FOXO1: variants seen among roughly 807,000 people sequenced by gnomAD.
FOXO1 encodes the protein forkhead box protein O1.
Under a neutral mutation model 44.1 loss-of-function variants are expected in FOXO1, and 6 were observed. The ratio of observed to expected loss-of-function variants is 0.14; its 90% CI spans 0.07 to 0.27. FOXO1 has a LOEUF of 0.27. FOXO1 is among the 10% of genes least tolerant of loss of function. The pLI, the probability that FOXO1 is intolerant of heterozygous loss-of-function variation, is 1.00. For missense variants in FOXO1, 737 were observed against 888.8 expected, an observed-to-expected ratio of 0.83 and a Z score of 2.17; for synonymous variants, 380 against 362.7, an observed-to-expected ratio of 1.05 and a Z score of -0.54.
rs34778628 is a variant in FOXO1 at position 40,648,391 on chromosome 13, A to G, written c.630+17192T>C. Among the ~76,000 whole-genome samples, 1,244 of 152,328 alleles carry G rather than the reference A, an allele frequency of 8.2e-3. 11 individuals carry two copies. Among genetic ancestry groups the G allele is most frequent in the Non-Finnish European group, 0.013 (879 of 68,026 alleles). On this transcript the variant is annotated intron_variant, in intron 1 of 2. Coordinates refer to ENST00000379561, the MANE Select transcript of FOXO1 (RefSeq NM_002015.4). The stretch of plus-strand genomic sequence containing the variant: ...TTTCCACCATGTATACTTAGATGCA[A>G]AACAGTTCAAAAACCCAAAAATGTC...
At chr13:40,631,175 G>A (rs1049311648) in intron 1 of FOXO1, among the ~76,000 whole-genome samples, 1 of 152,160 alleles carries the variant, frequency 6.6e-6, no homozygotes, top group African/African-American at 2.4e-5. Flanking sequence ...CATTGTGGAG[G>A]AGGGATCCCT....
chr13:40,612,926 C>T (rs1217693427), intron 1 of FOXO1, among the ~76,000 whole-genome samples: 3 of 152,170 alleles, frequency 2.0e-5, no homozygotes, highest in Non-Finnish European at 4.4e-5. Flanking sequence ...AGGAGGACTA[C>T]TGTGTATCGG....
In FOXO1 at chr13:40,560,009, C is replaced by A. The variant is rs1873923682; in HGVS notation, c.1482G>T (p.Gln494His). 1 of 1,614,168 alleles carries A rather than the reference C, an allele frequency of 6.2e-7. No individual in the cohort carries two copies. Among genetic ancestry groups the A allele is most frequent in the African/African-American group, 1.3e-5 (1 of 75,056 alleles). ...VAQPNSRVLG[Q>H]NVMMGPNSVM... ...CCGAATTAGGGCCCATCATGACGTTCTGGCCCAGAACCCGGCTGTTGGGCT... is the reference window on the plus strand; with the variant it reads ...CCGAATTAGGGCCCATCATGACGTTATGGCCCAGAACCCGGCTGTTGGGCT... Residue 494 changes from glutamine to histidine, a missense_variant, in exon 2 of 3, where the codon CAG (glutamine) becomes CAT (histidine). Physicochemically the swap from Gln to His is conservative, Grantham distance 24. Transcript: ENST00000379561. The surrounding 1 kb of genome is among the most constrained non-coding windows in gnomAD (Gnocchi z 5.1).
intron 1 of FOXO1, among the ~76,000 whole-genome samples, chr13:40,611,471 A>C (rs1196382615): frequency 6.6e-6 from 1 of 152,246 alleles, no homozygotes; most frequent in Non-Finnish European, 1.5e-5. Flanking sequence ...GAAGATAAAA[A>C]TATTCATCGC....
At position 40,665,923 on chromosome 13, in the gene FOXO1, G is replaced by GCCGCCGCCA; in HGVS notation, c.281_289dup (p.Val94_Ala96dup). ...CCCCCCGGTGGCGGCCGCGGCGGCCGCCGCCGCCACCGCCGCCGCCACGGA... is the reference window on the plus strand; with the variant it reads ...CCCCCCGGTGGCGGCCGCGGCGGCCGCCGCCGCCACCGCCGCCACCGCCGCCGCCACGGA... On this transcript the variant is annotated inframe_insertion, in exon 1 of 3. Transcript: ENST00000379561. The GCCGCCGCCA allele has an allele frequency of 8.3e-7, 1 of 1,203,020 alleles. No homozygotes were observed. The highest frequency in any genetic ancestry group is 1.0e-6 in the Non-Finnish European group (1 of 972,448). The allele number at this position is 1,203,020 out of a possible 1,614,324, so 74.5% of individuals were successfully genotyped here. A position where few individuals can be genotyped will look rare whatever the true frequency, so the allele number is the denominator to read the frequency against.
intron 1 of FOXO1, among the ~76,000 whole-genome samples, chr13:40,608,904 C>T (rs1876120906): frequency 6.6e-6 from 1 of 152,130 alleles, no homozygotes; most frequent in Non-Finnish European, 1.5e-5. Context: ...TATGATGGAT[C>T]CTAGAGATAG....
At chr13:40,661,276 T>C (rs1878027787) in intron 1 of FOXO1, among the ~76,000 whole-genome samples, 1 of 151,574 alleles carries the variant, frequency 6.6e-6, no homozygotes, top group African/African-American at 2.4e-5. Flanking sequence ...TATCAAGGCT[T>C]TCTTCTTTTT....
chr13:40,588,807 A>C (rs1875266526), intron 1 of FOXO1, among the ~76,000 whole-genome samples: 1 of 105,766 alleles, frequency 9.5e-6, no homozygotes. Context: ...CAAGTGATTT[A>C]AAAGTGTCAC....
chr13:40,637,953 A>C (rs1471034665), intron 1 of FOXO1, among the ~76,000 whole-genome samples: 1 of 152,244 alleles, frequency 6.6e-6, no homozygotes, highest in East Asian at 1.9e-4. Context: ...AGATGAGACT[A>C]AGATACTGGA....
At chr13:40,592,558 C>G (rs540162053) in intron 1 of FOXO1, among the ~76,000 whole-genome samples, 1 of 152,358 alleles carries the variant, frequency 6.6e-6, no homozygotes, top group Non-Finnish European at 1.5e-5. Context: ...CTCCAATTCT[C>G]CTCTCCTGCC....
At chr13:40,662,627 A>G (rs1043731568) in intron 1 of FOXO1, among the ~76,000 whole-genome samples, 1 of 152,240 alleles carries the variant, frequency 6.6e-6, no homozygotes, top group Non-Finnish European at 1.5e-5. Context: ...GAATGACATT[A>G]AAAGTTTTTG....
chr13:40,638,414 T>C (rs1877232329), intron 1 of FOXO1, among the ~76,000 whole-genome samples: 1 of 152,220 alleles, frequency 6.6e-6, no homozygotes, highest in Non-Finnish European at 1.5e-5. Flanking sequence ...AAATTTGTCA[T>C]TTTTAAATGT....
chr13:40,624,317 T>TAAAAAAAA (rs10552634), intron 1 of FOXO1, among the ~76,000 whole-genome samples: 10 of 100,944 alleles, frequency 9.9e-5, no homozygotes, highest in Non-Finnish European at 1.5e-4. Flanking sequence ...TAATACTGCT[T>TAAAAAAAA]AAAAAAAAAA....
intron 1 of FOXO1, among the ~76,000 whole-genome samples, chr13:40,596,098 G>A (rs1593393171): frequency 6.6e-6 from 1 of 152,096 alleles, no homozygotes; most frequent in South Asian, 2.1e-4. Flanking sequence ...ACAACAAAGG[G>A]ACTTTTAGGC....
At position 40,557,811 on chromosome 13, in the gene FOXO1, A is replaced by C. The variant is rs953663025; in HGVS notation, c.*1238T>G. On this transcript the variant is annotated 3_prime_UTR_variant, in exon 3 of 3. Transcript: ENST00000379561. ...GACAAAGGACCATTGCTTTAGATGC[A>C]GATCTCCCTTTTCTGATCTACAAAC... 2 of 152,244 alleles carry C rather than the reference A, an allele frequency of 1.3e-5. No homozygotes were observed. Among genetic ancestry groups the C allele is most frequent in the African/African-American group, 4.8e-5 (2 of 41,460 alleles). 9.4% of individuals were successfully genotyped at this position (152,244 alleles called of 1,614,324 possible).
Position 40,560,326 on chromosome 13 carries a change from C to G in FOXO1, c.1165G>C (p.Val389Leu). Residue 389 changes from valine (V) to leucine (L), a missense_variant, in exon 2 of 3, where the codon GTT becomes CTT. By Grantham distance (32) the Val-to-Leu change is conservative (BLOSUM62 1). Transcript: ENST00000379561. This position sits in a 1 kb window ranked among gnomAD's most constrained non-coding sequence, Gnocchi z 5.1. ...NLLSSPTSLT[V>L]STQSSPGTMM... ...GTGCCAGGTGAGGACTGGGTCGAAA[C>G]AGTTAATGATGTTGGTGATGAGAGA... 1.2e-6 allele frequency: 2 copies of G among 1,614,124 alleles called. No individual in the cohort carries two copies. Among genetic ancestry groups the G allele is most frequent in the Non-Finnish European group, 1.7e-6 (2 of 1,180,026 alleles).
intron 1 of FOXO1, among the ~76,000 whole-genome samples, chr13:40,661,646 A>T (rs1878040382): frequency 6.6e-6 from 1 of 152,106 alleles, no homozygotes; most frequent in African/African-American, 2.4e-5. Flanking sequence ...GAAGTAGGAA[A>T]GATGTCTCAG....
At chr13:40,601,742 C>A (rs1025062548) in intron 1 of FOXO1, among the ~76,000 whole-genome samples, 3 of 152,064 alleles carry the variant, frequency 2.0e-5, no homozygotes, top group Admixed American at 2.0e-4. Flanking sequence ...CTTTGTTATT[C>A]TTTTGAAAAA....
At chr13:40,611,444 G>A (rs1876226451) in intron 1 of FOXO1, among the ~76,000 whole-genome samples, 1 of 152,228 alleles carries the variant, frequency 6.6e-6, no homozygotes, top group Non-Finnish European at 1.5e-5. Context: ...AAGGTCCTCA[G>A]TGTGTAATAC....
Sources: allele counts gnomAD v4.1 joint callset (sites outside exome capture counted in the v4.1 genomes callset), GRCh38; gene constraint gnomAD v4.1.1; non-coding constraint Gnocchi (gnomAD v3.1); transcripts MANE v1.5; gene names NCBI Gene and HGNC (gene_info 2026-07-23, HGNC 2026-07-21).